WASHC3: variants seen among roughly 807,000 people sequenced by gnomAD.
WASHC3 encodes WASH complex subunit 3, also known as WASH complex subunit CCDC53.
Under a neutral mutation model 26.1 loss-of-function variants are expected in WASHC3, and 24 were observed. That is an observed-to-expected ratio of 0.92 (90% CI 0.66 to 1.29). WASHC3 has a LOEUF of 1.29. Ranked by LOEUF, WASHC3 falls within the 50% of genes most tolerant of loss-of-function variation. The pLI, the probability that WASHC3 is intolerant of heterozygous loss-of-function variation, is 0.00. For missense variants in WASHC3, 214 were observed against 229.6 expected (o/e 0.93, Z 0.44); for synonymous variants, 77 against 75.7 (o/e 1.02, Z -0.09).
chr12:102,046,249 A>T lies in WASHC3; in HGVS notation c.151-130T>A, dbSNP rs150161201. 3.7e-5 allele frequency: 21 copies of T among 560,592 alleles called. No individual in the cohort carries two copies. The East Asian group carries it at 6.5e-4, about 17-fold the overall frequency. 34.7% of individuals were successfully genotyped at this position (560,592 alleles called of 1,614,324 possible). On this transcript the variant is annotated intron_variant, in intron 2 of 6. Coordinates refer to ENST00000240079, the MANE Select transcript of WASHC3 (RefSeq NM_016053.4). ...ATTCTAATACAGTACTGTCTTATTT[A>T]CATGAGTAGGAATGAGAACTCTTCT...
chr12:102,058,327 G>C (rs779046726), intron 2 of WASHC3, among the ~76,000 whole-genome samples: 1 of 152,052 alleles, frequency 6.6e-6, no homozygotes, highest in South Asian at 2.1e-4. Flanking sequence ...AAAACATAAG[G>C]GGAAAGTTGC....
At chr12:102,042,210 C>T (rs1877967083) in intron 4 of WASHC3, among the ~76,000 whole-genome samples, 1 of 152,094 alleles carries the variant, frequency 6.6e-6, no homozygotes, top group Non-Finnish European at 1.5e-5. Context: ...TTAAACTCCT[C>T]TACAACATCT....
At chr12:102,046,146 A>G in intron 2 of WASHC3, 27 bp from the exon 3 acceptor site, 2 of 1,344,712 alleles carry the variant, frequency 1.5e-6, no homozygotes, top group Non-Finnish European at 2.1e-6. Flanking sequence ...AGAGACATAA[A>G]GACTTTAATT....
At chr12:102,029,312 T>C (rs1877333284) in intron 5 of WASHC3, among the ~76,000 whole-genome samples, 1 of 152,192 alleles carries the variant, frequency 6.6e-6, no homozygotes, top group Non-Finnish European at 1.5e-5. Flanking sequence ...GGGATTTTTT[T>C]TGGCAAGTGA....
chr12:102,022,195 A>G (rs2121337341), intron 6 of WASHC3, among the ~76,000 whole-genome samples: 1 of 152,318 alleles, frequency 6.6e-6, no homozygotes, highest in Admixed American at 6.5e-5. Context: ...TCTCAGTTTG[A>G]GAAAACAATA....
At chr12:102,035,190 C>T (rs1412580509) in intron 5 of WASHC3, among the ~76,000 whole-genome samples, 1 of 151,994 alleles carries the variant, frequency 6.6e-6, no homozygotes, top group Non-Finnish European at 1.5e-5. Context: ...CTTAATTTTG[C>T]CTATATTAGA....
At position 102,046,105 on chromosome 12, in the gene WASHC3, A is replaced by C. The variant is rs1878150644; in HGVS notation, c.165T>G (p.Leu55=). 6.3e-7 allele frequency: 1 copy of C among 1,593,996 alleles called. No individual in the cohort carries two copies. The highest frequency in any genetic ancestry group is 8.6e-7 in the Non-Finnish European group (1 of 1,166,750). Residue 55 remains leucine, a synonymous_variant, in exon 3 of 7, where the codon CTT becomes CTG. Coordinates refer to ENST00000240079, the MANE Select transcript of WASHC3 (RefSeq NM_016053.4). ...TTTCAATTTGTTGGATACGAAGTGA[A>C]AGGTCTGCCAGTTTCTGTAAAAGAA... ...STVCEEKLAD[L]SLRIQQIETT...
At chr12:102,062,069 G>A (rs1594377173), upstream of WASHC3, 1 of 930,946 alleles carries the variant, frequency 1.1e-6, no homozygotes, top group Non-Finnish European at 1.6e-6. Flanking sequence ...GCCCGCCTCC[G>A]GGGCCCTTCC....
In WASHC3 at chr12:102,013,325, C is replaced by G. The variant is rs1876561520; in HGVS notation, c.501-133G>C. On this transcript the variant is annotated intron_variant, in intron 6 of 6. Coordinates refer to ENST00000240079, the MANE Select transcript of WASHC3 (RefSeq NM_016053.4). Reference sequence around the variant, plus strand: ...AAGTCCGTGTCCTCAGTCTCCTGCTCTACACCACAGCGTGCTTCTCTCGGG... The same window carrying G: ...AAGTCCGTGTCCTCAGTCTCCTGCTGTACACCACAGCGTGCTTCTCTCGGG... The G allele has an allele frequency of 1.8e-5, 11 of 604,342 alleles. No individual in the cohort carries two copies. The South Asian group carries it at 2.0e-4, about 11-fold the overall frequency. The allele number at this position is 604,342 out of a possible 1,614,324, so 37.4% of individuals were successfully genotyped here. A position where few individuals can be genotyped will look rare whatever the true frequency, so the allele number is the denominator to read the frequency against.
intron 2 of WASHC3, chr12:102,059,552 T>G (rs908953596): frequency 2.0e-5 from 3 of 152,104 alleles, no homozygotes; most frequent in African/African-American, 7.2e-5. Flanking sequence ...ATGACTATTG[T>G]TTTCTTTGAT....
intron 4 of WASHC3, among the ~76,000 whole-genome samples, chr12:102,042,114 G>A (rs1356605002): frequency 6.6e-6 from 1 of 152,060 alleles, no homozygotes; most frequent in African/African-American, 2.4e-5. Flanking sequence ...TAACTACTAG[G>A]TAGTGTGGAA....
intron 2 of WASHC3, among the ~76,000 whole-genome samples, chr12:102,049,093 A>G (rs1878285398): frequency 6.6e-6 from 1 of 152,232 alleles, no homozygotes; most frequent in Non-Finnish European, 1.5e-5. Flanking sequence ...AGACCACTAT[A>G]AAACAAGTTT....
chr12:102,025,826 A>G (rs1877158678), intron 6 of WASHC3, 148 bp downstream of exon 6: 1 of 597,134 alleles, frequency 1.7e-6, no homozygotes, highest in South Asian at 2.2e-5. Flanking sequence ...CTGTTTGGTA[A>G]CATAACAGAC....
At position 102,046,202 on chromosome 12, in the gene WASHC3, A is replaced by G. The variant is rs577252856; in HGVS notation, c.151-83T>C. 23 of 759,138 alleles carry G rather than the reference A, an allele frequency of 3.0e-5. No homozygotes were observed. In the African/African-American group the frequency reaches 3.4e-4, roughly 11 times the overall value. 47.0% of individuals were successfully genotyped at this position (759,138 alleles called of 1,614,324 possible). ...ACTAAGGGCAGATATGAAAATATTA[A>G]AAACCATTAAATATTTGTCATATTC... On this transcript the variant is annotated intron_variant, in intron 2 of 6. Coordinates refer to ENST00000240079, the MANE Select transcript of WASHC3 (RefSeq NM_016053.4).
intron 6 of WASHC3, among the ~76,000 whole-genome samples, chr12:102,013,438 TCAG>T (rs1876567613): frequency 6.6e-6 from 1 of 152,214 alleles, no homozygotes; most frequent in South Asian, 2.1e-4. Context: ...GTGCGCTACT[TCAG>T]CACTTTCTGC....
intron 2 of WASHC3, among the ~76,000 whole-genome samples, chr12:102,060,869 C>T (rs894541377): frequency 4.2e-5 from 6 of 144,080 alleles, no homozygotes; most frequent in Non-Finnish European, 7.4e-5. Context: ...GCAGGAGAAT[C>T]GCTTGAACCC....
intron 2 of WASHC3, among the ~76,000 whole-genome samples, chr12:102,047,783 A>T (rs976668061): frequency 1.3e-5 from 2 of 152,222 alleles, no homozygotes; most frequent in African/African-American, 4.8e-5. Flanking sequence ...ATACCTATAT[A>T]TTTACTTTTA....
At chr12:102,027,952 TCAAAAC>T (rs1877270066) in intron 5 of WASHC3, among the ~76,000 whole-genome samples, 1 of 151,916 alleles carries the variant, frequency 6.6e-6, no homozygotes, top group African/African-American at 2.4e-5. Context: ...TGAATTCTCT[TCAAAAC>T]CATACCTCTG....
chr12:102,050,430 T>A, intron 2 of WASHC3: 1 of 403,904 alleles, frequency 2.5e-6, no homozygotes, highest in South Asian at 1.8e-5. Flanking sequence ...CCAGCCTAGA[T>A]AATGTAGTAA....
Sources: allele counts gnomAD v4.1 joint callset (sites outside exome capture counted in the v4.1 genomes callset), GRCh38; gene constraint gnomAD v4.1.1; transcripts MANE v1.5; gene names NCBI Gene and HGNC (gene_info 2026-07-23, HGNC 2026-07-21).